The following CLDN6 variants were observed in gnomAD, a reference collection of about 807,000 sequenced individuals.
CLDN6 encodes claudin-6.
For synonymous variants in CLDN6, 144 were observed against 131.2 expected, an observed-to-expected ratio of 1.10 and a Z score of -0.67; for missense variants, 279 against 284.1, an observed-to-expected ratio of 0.98 and a Z score of 0.13.
In CLDN6 at chr16:3,015,781, G is replaced by A. The variant is rs374481726; in HGVS notation, c.241C>T (p.Arg81Cys). ...AGGAGGGCGATGACACAGAGGGCAC[G>A]TGCAGCCTGCAGGTCCTGTGGCAGC... ...LALPQDLQAA[R>C]ALCVIALLVA... is the part of the protein sequence containing the mutation. Residue 81 changes from arginine to cysteine, a missense_variant, in exon 2 of 2, where the codon CGT (arginine) becomes TGT (cysteine). Transcript: ENST00000328796. 11 of 1,614,016 alleles carry A rather than the reference G, an allele frequency of 6.8e-6. No individual in the cohort carries two copies. The highest frequency in any genetic ancestry group is 5.0e-5 in the Admixed American group (3 of 60,010).
At chr16:3,016,641 C>T (rs553599042) in intron 1 of CLDN6, among the ~76,000 whole-genome samples, 7 of 139,108 alleles carry the variant, frequency 5.0e-5, no homozygotes, top group South Asian at 2.4e-4. Flanking sequence ...CCACCACGCC[C>T]GGCTAATTTT....
chr16:3,015,597 G>T lies in CLDN6; in HGVS notation c.425C>A (p.Ala142Asp). 2 of 1,613,208 alleles carry T rather than the reference G, an allele frequency of 1.2e-6. No homozygotes were observed. Among genetic ancestry groups the T allele is most frequent in the Non-Finnish European group, 1.7e-6 (2 of 1,180,034 alleles). ...GGGGTTATAGAAGTCCCGGATGATG[G>T]CATGCGCCGTCCAGCACACGGGGAT... ...TLIPVCWTAH[A>D]IIRDFYNPLV... The change falls in exon 2 of 2, where the codon GCC becomes GAC. Residue 142 changes from alanine (A) to aspartate (D), a missense_variant. Coordinates refer to ENST00000328796, the MANE Select transcript of CLDN6 (RefSeq NM_021195.5).
At position 3,015,663 on chromosome 16, in the gene CLDN6, G is replaced by A. The variant is rs772376891; in HGVS notation, c.359C>T (p.Thr120Ile). The A allele has an allele frequency of 1.2e-6, 2 of 1,613,514 alleles. No individual in the cohort carries two copies. Among genetic ancestry groups the A allele is most frequent in the South Asian group, 1.1e-5 (1 of 91,088 alleles). ...EKDSKARLVLTSGIVFVISGV... is the reference protein window; with the variant it reads ...EKDSKARLVLISGIVFVISGV... ...TGAGATGACAAAGACAATCCCAGAG[G>A]TGAGCACCAGGCGGGCCTTGGAATC... Residue 120 changes from threonine to isoleucine, a missense_variant, in exon 2 of 2, where the codon ACC becomes ATC. Transcript: ENST00000328796.
At chr16:3,016,959 A>AT (rs886425843) in intron 1 of CLDN6, among the ~76,000 whole-genome samples, 1 of 151,878 alleles carries the variant, frequency 6.6e-6, no homozygotes, top group Non-Finnish European at 1.5e-5. Context: ...TAATTTTTGT[A>AT]TTTTTAGTAG....
chr16:3,015,692 C>T lies in CLDN6; in HGVS notation c.330G>A (p.Glu110=). The part of the protein sequence containing the change: ...AGAKCTTCVE[E]KDSKARLVLT... ...GCACCAGGCGGGCCTTGGAATCCTTCTCCTCCACACAGGTGGTACACTTGG... is the reference window on the plus strand; with the variant it reads ...GCACCAGGCGGGCCTTGGAATCCTTTTCCTCCACACAGGTGGTACACTTGG... The change falls in exon 2 of 2, where the codon GAG becomes GAA. Residue 110 remains glutamate (E), a synonymous_variant. Coordinates refer to ENST00000328796, the MANE Select transcript of CLDN6 (RefSeq NM_021195.5). 1 of 1,613,760 alleles carries T rather than the reference C, an allele frequency of 6.2e-7. No individual in the cohort carries two copies. The highest frequency in any genetic ancestry group is 8.5e-7 in the Non-Finnish European group (1 of 1,180,044).
rs560543165 is a variant in CLDN6 at position 3,015,616 on chromosome 16, C to G, written c.406G>C (p.Val136Leu). 1.2e-6 allele frequency: 2 copies of G among 1,613,166 alleles called. No individual in the cohort carries two copies. Among genetic ancestry groups the G allele is most frequent in the Non-Finnish European group, 1.7e-6 (2 of 1,180,056 alleles). Residue 136 changes from valine (V) to leucine (L), a missense_variant, in exon 2 of 2, where the codon GTG becomes CTG. Transcript: ENST00000328796. ...ATGATGGCATGCGCCGTCCAGCACA[C>G]GGGGATTAGCGTCAGGACCCCTGAG... ...VISGVLTLIPVCWTAHAIIRD... is the reference protein window; with the variant it reads ...VISGVLTLIPLCWTAHAIIRD...
At chr16:3,016,547 C>T (rs2072568513) in intron 1 of CLDN6, among the ~76,000 whole-genome samples, 1 of 152,198 alleles carries the variant, frequency 6.6e-6, no homozygotes, top group Non-Finnish European at 1.5e-5. Flanking sequence ...GTGGTGCCAT[C>T]TCCACTCACT....
chr16:3,015,675 C>T lies in CLDN6; in HGVS notation c.347G>A (p.Arg116His), dbSNP rs149918675. Residue 116 changes from arginine to histidine, a missense_variant, in exon 2 of 2, where the codon CGC (arginine) becomes CAC (histidine). Coordinates refer to ENST00000328796, the MANE Select transcript of CLDN6 (RefSeq NM_021195.5). The stretch of plus-strand genomic sequence containing the variant: ...GACAATCCCAGAGGTGAGCACCAGG[C>T]GGGCCTTGGAATCCTTCTCCTCCAC... ...TCVEEKDSKA[R>H]LVLTSGIVFV... is the part of the protein sequence containing the mutation. 6.1e-5 allele frequency: 98 copies of T among 1,613,472 alleles called. No individual in the cohort carries two copies. Among genetic ancestry groups the T allele is most frequent in the African/African-American group, 8.0e-5 (6 of 74,946 alleles).
chr16:3,015,520 A>T lies in CLDN6; in HGVS notation c.502T>A (p.Trp168Arg). Reference protein sequence around the residue: ...RELGASLYLGWAASGLLLLGG... With the variant: ...RELGASLYLGRAASGLLLLGG... ...AGCAACAAAAGGCCTGAGGCCGCCC[A>T]GCCCAAGTAGAGGGAGGCCCCCAGC... The change falls in exon 2 of 2, where the codon TGG becomes AGG. Residue 168 changes from tryptophan to arginine, a missense_variant. Coordinates refer to ENST00000328796, the MANE Select transcript of CLDN6 (RefSeq NM_021195.5). 1 of 1,612,626 alleles carries T rather than the reference A, an allele frequency of 6.2e-7. No homozygotes were observed. Among genetic ancestry groups the T allele is most frequent in the Non-Finnish European group, 8.5e-7 (1 of 1,179,718 alleles).
chr16:3,017,289 C>T (rs1393890634), intron 1 of CLDN6, among the ~76,000 whole-genome samples: 2 of 152,228 alleles, frequency 1.3e-5, no homozygotes, highest in Admixed American at 1.3e-4. Flanking sequence ...TTCTGACCTG[C>T]CCTAGGCGCC....
chr16:3,018,010 G>C (rs2072578963), intron 1 of CLDN6, 139 bp downstream of exon 1: 1 of 152,050 alleles, frequency 6.6e-6, no homozygotes, highest in Admixed American at 6.6e-5. Context: ...CTTGGGCGCG[G>C]ACCGGCCGAC....
At chr16:3,016,402 C>T (rs538637444) in intron 1 of CLDN6, among the ~76,000 whole-genome samples, 49 of 152,304 alleles carry the variant, frequency 3.2e-4, no homozygotes, top group Non-Finnish European at 4.0e-4. Flanking sequence ...GATGACAGGA[C>T]GGTGCGATTT....
At position 3,015,041 on chromosome 16, in the gene CLDN6, C is replaced by G. The variant is rs2151124432; in HGVS notation, c.*318G>C. 2.3e-6 allele frequency: 1 copy of G among 426,374 alleles called. No homozygotes were observed. Among genetic ancestry groups the G allele is most frequent in the East Asian group, 3.4e-5 (1 of 29,542 alleles). 26.4% of individuals were successfully genotyped at this position (426,374 alleles called of 1,614,324 possible). A position where few individuals can be genotyped will look rare whatever the true frequency, so the allele number is the denominator to read the frequency against. On this transcript the variant is annotated 3_prime_UTR_variant, in exon 2 of 2. Transcript: ENST00000328796. Reference sequence around the variant, plus strand: ...GCAGGAACTCTTGGGGACAGTCTGTCTTGTTGCAAAGCCAGCACAGCAAGC... The same window carrying G: ...GCAGGAACTCTTGGGGACAGTCTGTGTTGTTGCAAAGCCAGCACAGCAAGC...
At position 3,015,211 on chromosome 16, in the gene CLDN6, C is replaced by A; in HGVS notation, c.*148G>T. On this transcript the variant is annotated 3_prime_UTR_variant, in exon 2 of 2. Transcript: ENST00000328796. ...GTGAGAGTCTGAGTCAACACCTTGG[C>A]TCAGTTTTCAAATGAATTTTAAATA... 1.5e-6 allele frequency: 1 copy of A among 685,476 alleles called. No homozygotes were observed. The highest frequency in any genetic ancestry group is 2.3e-6 in the Non-Finnish European group (1 of 431,704). 42.5% of individuals were successfully genotyped at this position (685,476 alleles called of 1,614,324 possible).
Position 3,015,199 on chromosome 16 carries a change from T to C in CLDN6, c.*160A>G, listed in dbSNP as rs564796765. 2.3e-5 allele frequency: 14 copies of C among 599,478 alleles called. No individual in the cohort carries two copies. The East Asian group carries it at 3.8e-4, about 16-fold the overall frequency. 37.1% of individuals were successfully genotyped at this position (599,478 alleles called of 1,614,324 possible). On this transcript the variant is annotated 3_prime_UTR_variant, in exon 2 of 2. Transcript: ENST00000328796. ...AGCAGAGCCTAAGTGAGAGTCTGAG[T>C]CAACACCTTGGCTCAGTTTTCAAAT...
rs1276491601 is a variant in CLDN6, at chr16:3,016,000, T to C, written c.22A>G (p.Ile8Val). MASAGMQILGVVLTLLGW... is the reference protein window; with the variant it reads MASAGMQVLGVVLTLLGW... The stretch of plus-strand genomic sequence containing the variant: ...AGCAGTGTCAGGACGACTCCCAGGA[T>C]CTGCATTCCGGCAGAGGCCATGGCG... The change falls in exon 2 of 2, where the codon ATC becomes GTC. Residue 8 changes from isoleucine (I) to valine (V), a missense_variant. Ile to Val is a conservative substitution (Grantham distance 29, BLOSUM62 3). Coordinates refer to ENST00000328796, the MANE Select transcript of CLDN6 (RefSeq NM_021195.5). The C allele has an allele frequency of 6.2e-7, 1 of 1,613,788 alleles. No homozygotes were observed. The highest frequency in any genetic ancestry group is 2.2e-5 in the East Asian group (1 of 44,866).
chr16:3,017,559 C>T (rs2072575536), intron 1 of CLDN6, among the ~76,000 whole-genome samples: 1 of 152,092 alleles, frequency 6.6e-6, no homozygotes, highest in Non-Finnish European at 1.5e-5. Flanking sequence ...TACTCATTAG[C>T]CGGGGGCCCC....
At position 3,015,198 on chromosome 16, in the gene CLDN6, G is replaced by A; in HGVS notation, c.*161C>T. ...CAGCAGAGCCTAAGTGAGAGTCTGAGTCAACACCTTGGCTCAGTTTTCAAA... is the reference window on the plus strand; with the variant it reads ...CAGCAGAGCCTAAGTGAGAGTCTGAATCAACACCTTGGCTCAGTTTTCAAA... On this transcript the variant is annotated 3_prime_UTR_variant, in exon 2 of 2. Coordinates refer to ENST00000328796, the MANE Select transcript of CLDN6 (RefSeq NM_021195.5). 3.3e-6 allele frequency: 2 copies of A among 607,890 alleles called. No homozygotes were observed. The highest frequency in any genetic ancestry group is 5.4e-6 in the Non-Finnish European group (2 of 367,816). 37.7% of individuals were successfully genotyped at this position (607,890 alleles called of 1,614,324 possible).
rs9940735 is a variant in CLDN6, at chr16:3,015,980, T to C, written c.42A>G (p.Thr14=). The part of the protein sequence containing the change: ...AGMQILGVVL[T]LLGWVNGLVS... ...CCAGGCCATTCACCCAGCCCAGCAG[T>C]GTCAGGACGACTCCCAGGATCTGCA... Residue 14 remains threonine, a synonymous_variant, in exon 2 of 2, where the codon ACA becomes ACG. Coordinates refer to ENST00000328796, the MANE Select transcript of CLDN6 (RefSeq NM_021195.5). 4.2e-3 allele frequency: 6,732 copies of C among 1,614,086 alleles called. 194 individuals are homozygous for C. In the African/African-American group the frequency reaches 0.069, roughly 17 times the overall value.
Sources: gnomAD v4.1 joint callset for allele counts (sites outside exome capture counted in the v4.1 genomes callset) on GRCh38, gnomAD v4.1.1 for gene constraint, MANE v1.5 for transcripts, NCBI Gene and HGNC (gene_info 2026-07-23, HGNC 2026-07-21) for gene names.